TNR: variants seen among roughly 807,000 people sequenced by gnomAD.
TNR encodes the protein tenascin R.
Under a neutral mutation model 150.4 loss-of-function variants are expected in TNR, and 45 were observed. The observed-to-expected ratio is 0.30, with a 90% CI of 0.24 to 0.38. The LOEUF is 0.38. Ranked by LOEUF, TNR falls within the 10% of genes least tolerant of loss-of-function variation. The pLI is 1.00. For synonymous variants in TNR, 687 were observed against 678.4 expected (o/e 1.01, Z -0.20); for missense variants, 1,544 against 1,759.1 (o/e 0.88, Z 2.19).
intron 1 of TNR, among the ~76,000 whole-genome samples, chr1:175,607,734 T>C (rs865921557): frequency 1.6e-4 from 24 of 152,342 alleles, no homozygotes; most frequent in African/African-American, 5.3e-4. Context: ...GGAGTTAAGC[T>C]CAACTAGGTT....
At chr1:175,597,776 G>A (rs1009472970) in intron 1 of TNR, among the ~76,000 whole-genome samples, 1 of 152,160 alleles carries the variant, frequency 6.6e-6, no homozygotes, top group African/African-American at 2.4e-5. Flanking sequence ...CAAGCATTTG[G>A]CCAGGCCCAA....
At chr1:175,596,246 G>A (rs554210313) in intron 1 of TNR, among the ~76,000 whole-genome samples, 7 of 152,308 alleles carry the variant, frequency 4.6e-5, no homozygotes, top group South Asian at 4.1e-4. Context: ...GAAAGATGAA[G>A]AAACCCGTGT....
At chr1:175,647,083 C>T (rs1403988556) in intron 1 of TNR, among the ~76,000 whole-genome samples, 1 of 152,224 alleles carries the variant, frequency 6.6e-6, no homozygotes, top group Non-Finnish European at 1.5e-5. Context: ...AGACAAGCTT[C>T]ACACCATTCA....
Position 175,635,647 on chromosome 1 carries a change from A to G in TNR, c.-164-107278T>C, listed in dbSNP as rs971588690. ...GTGCTTCAGATGGAATTGACTCTAT[A>G]GAGACTGAATTCATTGCAGGAGTCC... On this transcript the variant is annotated intron_variant, in intron 1 of 22. Coordinates refer to ENST00000367674, the MANE Select transcript of TNR (RefSeq NM_003285.3). Among the ~76,000 whole-genome samples, 33 of 152,166 alleles carry G rather than the reference A, an allele frequency of 2.2e-4. 1 individual carries two copies. The highest frequency in any genetic ancestry group is 1.5e-5 in the Non-Finnish European group (1 of 68,020).
intron 19 of TNR, among the ~76,000 whole-genome samples, chr1:175,336,571 G>A (rs977199099): frequency 7.2e-5 from 11 of 152,210 alleles, no homozygotes; most frequent in Admixed American, 3.3e-4. Flanking sequence ...GGGAACTCCC[G>A]GCTGCTCCGA....
At chr1:175,446,641 T>C (rs1228251071) in intron 2 of TNR, among the ~76,000 whole-genome samples, 2 of 152,212 alleles carry the variant, frequency 1.3e-5, no homozygotes, top group Non-Finnish European at 2.9e-5. Context: ...GTTATCAATA[T>C]TTTCTAACTT....
chr1:175,707,100 G>C (rs781340537), intron 1 of TNR, among the ~76,000 whole-genome samples: 2 of 152,128 alleles, frequency 1.3e-5, no homozygotes, highest in African/African-American at 2.4e-5. Flanking sequence ...GGTATTTCTA[G>C]TTTACACAAA....
intron 1 of TNR, among the ~76,000 whole-genome samples, chr1:175,618,720 G>A (rs1043197918): frequency 2.0e-5 from 3 of 152,088 alleles, no homozygotes; most frequent in East Asian, 1.9e-4. Context: ...GCCTGAATAC[G>A]CCAGCTTTAT....
intron 2 of TNR, among the ~76,000 whole-genome samples, chr1:175,431,678 G>T (rs1030925947): frequency 6.6e-6 from 1 of 151,578 alleles, no homozygotes; most frequent in Non-Finnish European, 1.5e-5. Context: ...TCAGGCAGAG[G>T]AGGAAGAACC....
At chr1:175,522,238 G>A (rs1291072607) in intron 2 of TNR, among the ~76,000 whole-genome samples, 1 of 152,196 alleles carries the variant, frequency 6.6e-6, no homozygotes, top group Non-Finnish European at 1.5e-5. Context: ...CTAGGAGCTA[G>A]GGATTGTGTC....
chr1:175,366,249 C>T (rs1353392619), intron 10 of TNR, 111 bp from the exon 11 acceptor site: 19 of 1,176,412 alleles, frequency 1.6e-5, no homozygotes, highest in African/African-American at 4.6e-5. Flanking sequence ...ACTATGAGCA[C>T]TAGCTTGTCA....
chr1:175,566,358 A>T (rs1302225572), intron 1 of TNR, among the ~76,000 whole-genome samples: 3 of 152,266 alleles, frequency 2.0e-5, no homozygotes, highest in African/African-American at 4.8e-5. Context: ...AGTATGATGG[A>T]CGAGAGCGGG....
intron 1 of TNR, among the ~76,000 whole-genome samples, chr1:175,587,094 A>G (rs904674984): frequency 3.9e-5 from 6 of 152,234 alleles, no homozygotes; most frequent in African/African-American, 1.4e-4. Flanking sequence ...CATTACGTCA[A>G]CATGACTTTT....
chr1:175,566,013 C>A (rs1352781223), intron 1 of TNR, among the ~76,000 whole-genome samples: 3 of 152,114 alleles, frequency 2.0e-5, no homozygotes, highest in Admixed American at 6.5e-5. Context: ...AAAGACAAGA[C>A]AATCAGATCC....
chr1:175,569,436 G>A (rs886906965), intron 1 of TNR, among the ~76,000 whole-genome samples: 1 of 152,314 alleles, frequency 6.6e-6, no homozygotes, highest in African/African-American at 2.4e-5. Context: ...GTTCCTAGCT[G>A]ATGCCAGGCA....
intron 2 of TNR, among the ~76,000 whole-genome samples, chr1:175,413,914 C>A (rs1205595955): frequency 2.0e-5 from 3 of 152,172 alleles, no homozygotes; most frequent in Non-Finnish European, 4.4e-5. Flanking sequence ...AGGTGTATTG[C>A]TTGAGCCCAG....
At chr1:175,650,870 C>G (rs74210722) in intron 1 of TNR, among the ~76,000 whole-genome samples, 15 of 8,572 alleles carry the variant, frequency 1.7e-3, no homozygotes, top group South Asian at 6.5e-3. Context: ...CCACCTCATT[C>G]CTCCTCCTCC....
chr1:175,665,561 G>T (rs1036812749), intron 1 of TNR, among the ~76,000 whole-genome samples: 11 of 152,222 alleles, frequency 7.2e-5, no homozygotes, highest in African/African-American at 2.4e-4. Context: ...CATAAGAGCA[G>T]CCACACAGAG....
chr1:175,480,343 G>T (rs1341471108), intron 2 of TNR, among the ~76,000 whole-genome samples: 1 of 141,046 alleles, frequency 7.1e-6, no homozygotes, highest in Non-Finnish European at 1.5e-5. Flanking sequence ...AAGGAAGGAA[G>T]GAAGGAGAGA....
Sources: gnomAD v4.1 joint callset for allele counts (sites outside exome capture counted in the v4.1 genomes callset) on GRCh38, gnomAD v4.1.1 for gene constraint, MANE v1.5 for transcripts, NCBI Gene and HGNC (gene_info 2026-07-23, HGNC 2026-07-21) for gene names.